The following CARM1 variants were observed in gnomAD, a reference collection of about 807,000 sequenced individuals.
CARM1 encodes histone-arginine methyltransferase CARM1.
CARM1 carries 14 observed loss-of-function variants against 72.7 expected under a neutral mutation model. The ratio of observed to expected loss-of-function variants is 0.19; its 90% CI spans 0.13 to 0.30. The LOEUF is 0.30. Ranked by LOEUF, CARM1 falls within the 10% of genes least tolerant of loss-of-function variation. The probability of loss-of-function intolerance (pLI) is 1.00; values close to 1 mark genes in which losing one functional copy is unlikely to be tolerated. For missense variants in CARM1, 432 were observed against 833.7 expected (o/e 0.52, Z 5.93); for synonymous variants, 333 against 345.5 (o/e 0.96, Z 0.40).
rs913582016 is a variant in CARM1 at position 10,922,630 on chromosome 19, A to G, written c.*873A>G. 5 of 151,862 alleles carry G rather than the reference A, an allele frequency of 3.3e-5. No individual in the cohort carries two copies. The highest frequency in any genetic ancestry group is 3.3e-4 in the Admixed American group (5 of 15,234). 9.4% of individuals were successfully genotyped at this position (151,862 alleles called of 1,614,324 possible). ...CGTTAGGCCTGAGTAGCTCCCCTCCATCCTTGTAGACGCTCCAGTCCCTAC... is the reference window on the plus strand; with the variant it reads ...CGTTAGGCCTGAGTAGCTCCCCTCCGTCCTTGTAGACGCTCCAGTCCCTAC... On this transcript the variant is annotated 3_prime_UTR_variant, in exon 16 of 16. Transcript: ENST00000327064.
At chr19:10,905,119 G>T (rs766035738) in intron 2 of CARM1, 43 bp downstream of exon 2, 5 of 1,603,330 alleles carry the variant, frequency 3.1e-6, no homozygotes, top group East Asian at 4.5e-5. Context: ...AGCCCAAAGC[G>T]CCCAGAGCCC....
intron 1 of CARM1, among the ~76,000 whole-genome samples, chr19:10,876,036 C>T (rs1446855499): frequency 5.3e-5 from 8 of 151,716 alleles, no homozygotes; most frequent in Non-Finnish European, 7.4e-5. Context: ...CCACCATGCC[C>T]GGTTAATTTT....
chr19:10,909,032 C>A, intron 3 of CARM1, 71 bp from the exon 4 acceptor site: 1 of 1,189,582 alleles, frequency 8.4e-7, no homozygotes, highest in Non-Finnish European at 1.2e-6. Context: ...TGCTCTATCA[C>A]AGGGCTGGCC....
At chr19:10,899,963 C>T (rs747556448) in intron 1 of CARM1, among the ~76,000 whole-genome samples, 6 of 152,016 alleles carry the variant, frequency 3.9e-5, no homozygotes, top group Admixed American at 1.3e-4. Flanking sequence ...TCAAGTGATC[C>T]GCCCACCTCC....
rs754552925 is a variant in CARM1 at position 10,909,117 on chromosome 19, G to A, written c.468G>A (p.Leu156=). Residue 156 remains leucine (L), a synonymous_variant, in exon 4 of 16, where the codon CTG becomes CTA. Coordinates refer to ENST00000327064, the MANE Select transcript of CARM1 (RefSeq NM_199141.2). ...AVQYFQFYGY[L]SQQQNMMQDY... is the part of the protein sequence containing the mutation. Reference sequence around the variant, plus strand: ...CTCTGTTCCAGTTTTATGGCTACCTGTCCCAGCAGCAGAACATGATGCAGG... The same window carrying A: ...CTCTGTTCCAGTTTTATGGCTACCTATCCCAGCAGCAGAACATGATGCAGG... 6.2e-7 allele frequency: 1 copy of A among 1,613,430 alleles called. No homozygotes were observed. The highest frequency in any genetic ancestry group is 8.5e-7 in the Non-Finnish European group (1 of 1,179,614).
chr19:10,873,149 C>T (rs533394273), intron 1 of CARM1, among the ~76,000 whole-genome samples: 1 of 152,040 alleles, frequency 6.6e-6, no homozygotes, highest in Non-Finnish European at 1.5e-5. Context: ...CTCAACAGAA[C>T]CCCAGATCAT....
intron 1 of CARM1, among the ~76,000 whole-genome samples, chr19:10,893,793 G>C (rs1295018979): frequency 6.6e-6 from 1 of 152,202 alleles, no homozygotes; most frequent in Non-Finnish European, 1.5e-5. Context: ...GGCCCTCCAC[G>C]TGGGTTATGT....
intron 2 of CARM1, 27 bp downstream of exon 2, chr19:10,905,103 G>C: frequency 6.2e-7 from 1 of 1,609,834 alleles, no homozygotes; most frequent in South Asian, 1.1e-5. Flanking sequence ...CCATTCCGGT[G>C]ACACCAGCCC....
chr19:10,893,663 T>C (rs1761039879), intron 1 of CARM1, among the ~76,000 whole-genome samples: 1 of 152,188 alleles, frequency 6.6e-6, no homozygotes, highest in African/African-American at 2.4e-5. Context: ...TAGATGGGGC[T>C]CCTGAGGCCA....
At chr19:10,906,933 G>C (rs1312540694) in intron 2 of CARM1, among the ~76,000 whole-genome samples, 1 of 119,510 alleles carries the variant, frequency 8.4e-6, no homozygotes, top group African/African-American at 3.2e-5. Flanking sequence ...TTGAGACAGA[G>C]TCTCACTCTG....
chr19:10,911,878 G>A (rs898320510), intron 4 of CARM1, among the ~76,000 whole-genome samples: 16 of 152,162 alleles, frequency 1.1e-4, no homozygotes, highest in Non-Finnish European at 1.9e-4. Flanking sequence ...CGGAGGCCCC[G>A]GAAAAATGCT....
At chr19:10,887,754 C>A (rs1485214005) in intron 1 of CARM1, among the ~76,000 whole-genome samples, 3 of 152,190 alleles carry the variant, frequency 2.0e-5, no homozygotes, top group African/African-American at 7.2e-5. Context: ...CAGACTCTTT[C>A]AAGAGGTGCA....
chr19:10,906,992 C>A (rs978532073), intron 2 of CARM1, among the ~76,000 whole-genome samples: 1 of 151,230 alleles, frequency 6.6e-6, no homozygotes, highest in Non-Finnish European at 1.5e-5. Context: ...CTGCAACCTC[C>A]ACCTCCCGGG....
chr19:10,880,187 G>A (rs1291473393), intron 1 of CARM1, among the ~76,000 whole-genome samples: 1 of 152,192 alleles, frequency 6.6e-6, no homozygotes, highest in Non-Finnish European at 1.5e-5. Context: ...GTCTGCTGGA[G>A]AACCTGGGAG....
intron 1 of CARM1, among the ~76,000 whole-genome samples, chr19:10,892,221 T>A (rs937706455): frequency 1.3e-5 from 2 of 152,258 alleles, no homozygotes; most frequent in Non-Finnish European, 2.9e-5. Flanking sequence ...GATCCAGGTG[T>A]ATCTCTGCAA....
chr19:10,891,681 G>A (rs755444594), intron 1 of CARM1, among the ~76,000 whole-genome samples: 3 of 152,158 alleles, frequency 2.0e-5, no homozygotes, highest in East Asian at 1.9e-4. Context: ...CGTAGACGCC[G>A]GCCCTCCCGC....
At chr19:10,883,220 A>G (rs1364149068) in intron 1 of CARM1, among the ~76,000 whole-genome samples, 3 of 152,082 alleles carry the variant, frequency 2.0e-5, no homozygotes, top group African/African-American at 7.2e-5. Context: ...CCCACACCCA[A>G]CATAGGTGAA....
chr19:10,883,584 G>T (rs1022264712), intron 1 of CARM1, among the ~76,000 whole-genome samples: 12 of 152,210 alleles, frequency 7.9e-5, no homozygotes, highest in Admixed American at 1.3e-4. Context: ...ACAGGGTCTT[G>T]CTGTGTTCCT....
intron 8 of CARM1, among the ~76,000 whole-genome samples, chr19:10,917,540 C>A (rs756589054): frequency 1.3e-5 from 2 of 151,970 alleles, no homozygotes; most frequent in East Asian, 3.9e-4. Flanking sequence ...GTTTTTCATT[C>A]GTTTTGGGAG....
Sources: gnomAD v4.1 joint callset for allele counts (sites outside exome capture counted in the v4.1 genomes callset) on GRCh38, gnomAD v4.1.1 for gene constraint, MANE v1.5 for transcripts, NCBI Gene and HGNC (gene_info 2026-07-23, HGNC 2026-07-21) for gene names.